Variants in UBA2 observed in about 807,000 individuals in gnomAD.
The protein encoded by UBA2 is ubiquitin like modifier activating enzyme 2.
In UBA2, 11 loss-of-function variants were observed where a neutral mutation model predicts 77.2. The ratio of observed to expected loss-of-function variants is 0.14; its 90% CI spans 0.09 to 0.24. The LOEUF is 0.24. Among genes scored for constraint, UBA2 ranks in the 10% least tolerant of loss-of-function variants. The pLI, the probability that UBA2 is intolerant of heterozygous loss-of-function variation, is 1.00. For missense variants in UBA2, 487 were observed against 781.7 expected (o/e 0.62, Z 4.50); for synonymous variants, 278 against 276.7 (o/e 1.00, Z -0.05).
At chr19:34,437,792 G>A (rs979759267) in intron 5 of UBA2, among the ~76,000 whole-genome samples, 1 of 151,944 alleles carries the variant, frequency 6.6e-6, no homozygotes, top group Non-Finnish European at 1.5e-5. Context: ...AGTGGCTCAC[G>A]CCTGTAATCC....
At chr19:34,448,479 C>T (rs1228713581) in intron 8 of UBA2, among the ~76,000 whole-genome samples, 1 of 152,044 alleles carries the variant, frequency 6.6e-6, no homozygotes. Context: ...CTGCGGTCCC[C>T]AGCTACTCAG....
intron 15 of UBA2, among the ~76,000 whole-genome samples, chr19:34,466,178 A>G (rs1010435877): frequency 1.3e-5 from 2 of 152,014 alleles, no homozygotes; most frequent in Non-Finnish European, 1.5e-5. Context: ...TACTAAAAAT[A>G]CAAAAAAATT....
chr19:34,455,560 A>T (rs182701683), intron 12 of UBA2, among the ~76,000 whole-genome samples: 1 of 152,354 alleles, frequency 6.6e-6, no homozygotes, highest in Admixed American at 6.5e-5. Flanking sequence ...CATTGAAATA[A>T]AAAGACCTGT....
Position 34,435,778 on chromosome 19 carries a change from C to G in UBA2, c.459+810C>G, listed in dbSNP as rs576437997. 9.3e-5 allele frequency among the ~76,000 whole-genome samples: 14 copies of G among 150,140 alleles called. No individual in the cohort carries two copies. The South Asian group carries it at 3.0e-3, about 32-fold the overall frequency. Reference sequence around the variant, plus strand: ...CTCGGAGGTGGAGGTTACAGTGAGCCAAGATGGCACCACACTCCAGCCTGG... The same window carrying G: ...CTCGGAGGTGGAGGTTACAGTGAGCGAAGATGGCACCACACTCCAGCCTGG... On this transcript the variant is annotated intron_variant, in intron 5 of 16. Coordinates refer to ENST00000246548, the MANE Select transcript of UBA2 (RefSeq NM_005499.3).
At position 34,428,612 on chromosome 19, in the gene UBA2, C is replaced by T. The variant is rs2075213715; in HGVS notation, c.138+42C>T. On this transcript the variant is annotated intron_variant, in intron 1 of 16. Transcript: ENST00000246548. ...CGCGCGTGAATGGCGGGCTGTGGTG[C>T]GGGGGCTGGGATTCGGGGGTTCCGG... The T allele has an allele frequency of 6.4e-6, 6 of 934,198 alleles. No individual in the cohort carries two copies. The South Asian group carries it at 1.7e-4, about 26-fold the overall frequency. The allele number at this position is 934,198 out of a possible 1,614,324, so 57.9% of individuals were successfully genotyped here.
At chr19:34,450,092 G>A (rs976668780) in intron 8 of UBA2, among the ~76,000 whole-genome samples, 173 bp from the exon 9 acceptor site, 1 of 152,164 alleles carries the variant, frequency 6.6e-6, no homozygotes, top group Non-Finnish European at 1.5e-5. Context: ...TAGAGATTCT[G>A]TTAGAACTTC....
intron 2 of UBA2, 48 bp from the exon 3 acceptor site, chr19:34,431,813 G>C (rs377391075): frequency 1.9e-6 from 3 of 1,540,942 alleles, no homozygotes; most frequent in Admixed American, 3.3e-5. Context: ...GCAGATTTCA[G>C]ATAGGAACAG....
intron 5 of UBA2, among the ~76,000 whole-genome samples, chr19:34,437,574 C>T (rs965860466): frequency 2.6e-5 from 4 of 152,044 alleles, no homozygotes; most frequent in African/African-American, 9.6e-5. Context: ...CACGCCATTG[C>T]ACTCCAACCT....
chr19:34,443,377 G>A (rs959120482), intron 6 of UBA2, among the ~76,000 whole-genome samples: 1 of 151,928 alleles, frequency 6.6e-6, no homozygotes, highest in African/African-American at 2.4e-5. Context: ...TTGAAATTGG[G>A]ATGCAAGCTG....
chr19:34,453,446 A>G (rs1355548908), intron 10 of UBA2, among the ~76,000 whole-genome samples: 1 of 152,042 alleles, frequency 6.6e-6, no homozygotes, highest in African/African-American at 2.4e-5. Flanking sequence ...AGAGTGGTGC[A>G]TATGAAGAGA....
At chr19:34,456,833 C>T (rs567092934) in intron 12 of UBA2, among the ~76,000 whole-genome samples, 2 of 152,020 alleles carry the variant, frequency 1.3e-5, no homozygotes, top group African/African-American at 2.4e-5. Context: ...GCTAGAATTA[C>T]AGGAGTGAGC....
chr19:34,430,029 G>C (rs1230871991), intron 1 of UBA2: 1 of 152,280 alleles, frequency 6.6e-6, no homozygotes, highest in Admixed American at 6.6e-5. Flanking sequence ...CTCCACCTCA[G>C]CCTCCCGAGT....
At chr19:34,433,123 C>T in intron 3 of UBA2, 2 of 453,136 alleles carry the variant, frequency 4.4e-6, no homozygotes, top group Admixed American at 4.0e-5. Context: ...TGAGATCTTT[C>T]TCTTGTGCCC....
Position 34,452,115 on chromosome 19 carries a change from A to G in UBA2, c.1006A>G (p.Lys336Glu), listed in dbSNP as rs1448026942. ...IETLRVHLAE[K>E]GDGAELIWDK... Reference sequence around the variant, plus strand: ...GACTTTGAGAGTTCATTTAGCAGAAAAGGGGGATGGAGCTGAGCTCATATG... The same window carrying G: ...GACTTTGAGAGTTCATTTAGCAGAAGAGGGGGATGGAGCTGAGCTCATATG... Residue 336 changes from lysine (K) to glutamate (E), a missense_variant, in exon 10 of 17, where the codon AAG (lysine) becomes GAG (glutamate). Lys to Glu is a moderately conservative substitution (Grantham distance 56). This residue lies in a region of UBA2 where 300 missense variants were observed against 454.3 expected (regional missense o/e 0.66). Transcript: ENST00000246548. 2.5e-6 allele frequency: 4 copies of G among 1,609,134 alleles called. No homozygotes were observed. The African/African-American group carries it at 5.3e-5, about 21-fold the overall frequency.
At chr19:34,460,044 T>C (rs951834661) in intron 13 of UBA2, among the ~76,000 whole-genome samples, 2 of 152,248 alleles carry the variant, frequency 1.3e-5, no homozygotes, top group Non-Finnish European at 2.9e-5. Context: ...TTTAACAGAA[T>C]ATTATCACTT....
At chr19:34,434,384 G>A (rs1442124948) in intron 4 of UBA2, among the ~76,000 whole-genome samples, 1 of 152,210 alleles carries the variant, frequency 6.6e-6, no homozygotes, top group Non-Finnish European at 1.5e-5. Flanking sequence ...CCAGAATGCT[G>A]AGATTATGGG....
chr19:34,450,413 G>A lies in UBA2; in HGVS notation c.871+49G>A, dbSNP rs375473299. On this transcript the variant is annotated intron_variant, in intron 9 of 16. Coordinates refer to ENST00000246548, the MANE Select transcript of UBA2 (RefSeq NM_005499.3). The stretch of plus-strand genomic sequence containing the variant: ...GAACACCTAAGCTGGAAATATCCTC[G>A]CGTAAAGTCTTTGTATAGCCCTGTT... 81 of 1,352,146 alleles carry A rather than the reference G, an allele frequency of 6.0e-5. No homozygotes were observed. In the African/African-American group the frequency reaches 9.8e-4, roughly 16 times the overall value. The allele number at this position is 1,352,146 out of a possible 1,614,324, so 83.8% of individuals were successfully genotyped here. A position where few individuals can be genotyped will look rare whatever the true frequency, so the allele number is the denominator to read the frequency against.
intron 12 of UBA2, 31 bp downstream of exon 12, chr19:34,454,587 C>T (rs755317821): frequency 3.7e-6 from 4 of 1,087,340 alleles, no homozygotes; most frequent in Non-Finnish European, 5.3e-6. Context: ...TTTTATGCAA[C>T]CCCCCTTAAA....
intron 12 of UBA2, among the ~76,000 whole-genome samples, chr19:34,456,224 C>T (rs1393673572): frequency 1.4e-5 from 2 of 146,944 alleles, no homozygotes; most frequent in African/African-American, 5.1e-5. Flanking sequence ...TAGCGATTCT[C>T]CTGCCTCAGC....
Sources: gnomAD v4.1 joint callset for allele counts (sites outside exome capture counted in the v4.1 genomes callset) on GRCh38, gnomAD v4.1.1 for gene constraint, gnomAD v4.1.1 regional missense constraint, MANE v1.5 for transcripts, NCBI Gene and HGNC (gene_info 2026-07-23, HGNC 2026-07-21) for gene names.